Variants in NR2C2 observed in about 807,000 individuals in gnomAD.
The protein encoded by NR2C2 is Nuclear hormone receptor TR4.
In NR2C2, 6 loss-of-function variants were observed where a neutral mutation model predicts 62.9. The observed-to-expected ratio is 0.10, with a 90% CI of 0.05 to 0.19. NR2C2 has a LOEUF of 0.19. Among genes scored for constraint, NR2C2 ranks in the 10% least tolerant of loss-of-function variants. NR2C2 has a pLI of 1.00. For synonymous variants in NR2C2, 272 were observed against 273.8 expected (o/e 0.99, Z 0.07); for missense variants, 479 against 762.7 (o/e 0.63, Z 4.38).
intron 1 of NR2C2, among the ~76,000 whole-genome samples, chr3:14,961,782 G>A (rs918830677): frequency 1.6e-4 from 24 of 152,262 alleles, no homozygotes; most frequent in African/African-American, 5.5e-4. Flanking sequence ...GTAGAAAGCC[G>A]AATTATCTGG....
intron 1 of NR2C2, among the ~76,000 whole-genome samples, chr3:14,980,931 AC>A (rs2040348355): frequency 2.0e-5 from 3 of 152,208 alleles, no homozygotes; most frequent in Non-Finnish European, 4.4e-5. Context: ...TGGCCAGTAT[AC>A]TTTGCATTCT....
intron 1 of NR2C2, among the ~76,000 whole-genome samples, chr3:14,957,074 C>G (rs1325692899): frequency 6.6e-6 from 1 of 152,224 alleles, no homozygotes; most frequent in Non-Finnish European, 1.5e-5. Context: ...TTCACTATAA[C>G]CTCATATGGT....
At chr3:15,040,159 C>CA (rs1351430286) in intron 13 of NR2C2, among the ~76,000 whole-genome samples, 14 of 135,040 alleles carry the variant, frequency 1.0e-4, no homozygotes, top group East Asian at 8.4e-4. Flanking sequence ...GACTCCTTCT[C>CA]AAAAAACAAA....
In NR2C2 at chr3:15,045,043, C is replaced by A. The variant is rs937769199; in HGVS notation, c.*2035C>A. 3 of 152,140 alleles carry A rather than the reference C, an allele frequency of 2.0e-5. No homozygotes were observed. Among genetic ancestry groups the A allele is most frequent in the Admixed American group, 2.0e-4 (3 of 15,280 alleles). The allele number at this position is 152,140 out of a possible 1,614,324, so 9.4% of individuals were successfully genotyped here. A position where few individuals can be genotyped will look rare whatever the true frequency, so the allele number is the denominator to read the frequency against. On this transcript the variant is annotated 3_prime_UTR_variant, in exon 14 of 14. Transcript: ENST00000425241. ...CTTAAAGTAATTTTTACTTTTCTAACCCTGATGTGTTTTCAGTTTCAAAAT... is the reference window on the plus strand; with the variant it reads ...CTTAAAGTAATTTTTACTTTTCTAAACCTGATGTGTTTTCAGTTTCAAAAT...
intron 1 of NR2C2, among the ~76,000 whole-genome samples, chr3:14,985,374 G>A (rs1327968998): frequency 1.3e-5 from 2 of 151,988 alleles, no homozygotes; most frequent in African/African-American, 4.8e-5. Flanking sequence ...TTTTTCTCCT[G>A]TGTTTTCACT....
At chr3:14,956,533 TG>T (rs1407116598) in intron 1 of NR2C2, among the ~76,000 whole-genome samples, 2 of 152,166 alleles carry the variant, frequency 1.3e-5, no homozygotes, top group African/African-American at 2.4e-5. Flanking sequence ...TGTGGGTGTT[TG>T]TTTTTTTATT....
At chr3:15,011,217 T>C (rs2041344085) in intron 2 of NR2C2, among the ~76,000 whole-genome samples, 1 of 152,162 alleles carries the variant, frequency 6.6e-6, no homozygotes, top group South Asian at 2.1e-4. Flanking sequence ...CACGCGCCTG[T>C]GGTCTCAGCT....
chr3:14,953,027 C>G (rs145233960), intron 1 of NR2C2, among the ~76,000 whole-genome samples: 155 of 152,318 alleles, frequency 1.0e-3, no homozygotes, highest in African/African-American at 3.6e-3. Context: ...ATGCAGACCC[C>G]TGGTACCTGG....
Position 15,028,714 on chromosome 3 carries a change from A to G in NR2C2, c.927A>G (p.Ile309Met). The G allele has an allele frequency of 6.2e-7, 1 of 1,613,966 alleles. No homozygotes were observed. The highest frequency in any genetic ancestry group is 8.5e-7 in the Non-Finnish European group (1 of 1,179,860). ...CAGAGGACCAGTCTGCAAGTGAGAT[A>G]ACTCGGTACGAGCCCATGAGGATGG... ...IQPEDQSASE[I>M]TRAFDTLAKA... is the part of the protein sequence containing the mutation. Residue 309 changes from isoleucine to methionine, a missense_variant, in exon 8 of 14, where the codon ATA becomes ATG. Ile to Met is a conservative substitution (Grantham distance 10). Coordinates refer to ENST00000425241, the MANE Select transcript of NR2C2 (RefSeq NM_001291694.2).
At chr3:15,037,229 G>T (rs1299284855) in intron 11 of NR2C2, among the ~76,000 whole-genome samples, 1 of 149,800 alleles carries the variant, frequency 6.7e-6, no homozygotes, top group Non-Finnish European at 1.5e-5. Context: ...GTGTGTGTGT[G>T]TGTGTGTGTG....
chr3:14,970,129 C>T (rs146078925), intron 1 of NR2C2, among the ~76,000 whole-genome samples: 8 of 152,204 alleles, frequency 5.3e-5, no homozygotes, highest in African/African-American at 1.7e-4. Context: ...TTCTGAACCA[C>T]TCTTACCCTT....
In NR2C2 at chr3:15,045,395, A is replaced by T. The variant is rs2042414037; in HGVS notation, c.*2387A>T. 1 of 152,708 alleles carries T rather than the reference A, an allele frequency of 6.5e-6. No individual in the cohort carries two copies. Among genetic ancestry groups the T allele is most frequent in the African/African-American group, 2.4e-5 (1 of 41,464 alleles). 9.5% of individuals were successfully genotyped at this position (152,708 alleles called of 1,614,324 possible). ...GATAAGGAAGTGTTGGGCTGTGGTG[A>T]AACAACCTTGCAGAAAACGTGATTT... is the stretch of plus-strand genomic sequence containing the variant. On this transcript the variant is annotated 3_prime_UTR_variant, in exon 14 of 14. Coordinates refer to ENST00000425241, the MANE Select transcript of NR2C2 (RefSeq NM_001291694.2).
chr3:14,961,780 C>A (rs2039693206), intron 1 of NR2C2, among the ~76,000 whole-genome samples: 1 of 152,106 alleles, frequency 6.6e-6, no homozygotes, highest in Non-Finnish European at 1.5e-5. Flanking sequence ...TAGTAGAAAG[C>A]CGAATTATCT....
intron 4 of NR2C2, 145 bp from the exon 5 acceptor site, chr3:15,020,608 T>C (rs2041644769): frequency 6.5e-6 from 5 of 764,218 alleles, no homozygotes; most frequent in Non-Finnish European, 1.1e-5. Flanking sequence ...GTATGCTTAA[T>C]GCTCAGGCCA....
At chr3:14,982,959 T>C (rs975443104) in intron 1 of NR2C2, among the ~76,000 whole-genome samples, 1 of 152,214 alleles carries the variant, frequency 6.6e-6, no homozygotes. Flanking sequence ...TTTTTAAAAA[T>C]TTTTTTAATT....
intron 1 of NR2C2, chr3:14,948,273 C>G (rs1430589196): frequency 1.3e-5 from 2 of 152,544 alleles, no homozygotes; most frequent in Admixed American, 1.3e-4. Flanking sequence ...CTCCTCCCGC[C>G]TGCAGTCCCT....
chr3:14,959,491 C>T (rs890376674), intron 1 of NR2C2: 2 of 152,110 alleles, frequency 1.3e-5, no homozygotes, highest in Admixed American at 6.5e-5. Context: ...TTCAATTTCT[C>T]TCTCACTCTT....
rs2042408421 is a variant in NR2C2 at position 15,045,206 on chromosome 3, A to C, written c.*2198A>C. 6.6e-6 allele frequency: 1 copy of C among 152,068 alleles called. No individual in the cohort carries two copies. Among genetic ancestry groups the C allele is most frequent in the South Asian group, 2.1e-4 (1 of 4,822 alleles). The allele number at this position is 152,068 out of a possible 1,614,324, so 9.4% of individuals were successfully genotyped here. ...TTGTTGCCTGCCTTCCGTCGTTTTGATCCTTGAGAGTGACCATGAGGGCCA... is the reference window on the plus strand; with the variant it reads ...TTGTTGCCTGCCTTCCGTCGTTTTGCTCCTTGAGAGTGACCATGAGGGCCA... On this transcript the variant is annotated 3_prime_UTR_variant, in exon 14 of 14. Coordinates refer to ENST00000425241, the MANE Select transcript of NR2C2 (RefSeq NM_001291694.2).
At chr3:14,949,029 G>A (rs533285875) in intron 1 of NR2C2, among the ~76,000 whole-genome samples, 1 of 152,278 alleles carries the variant, frequency 6.6e-6, no homozygotes, top group African/African-American at 2.4e-5. Context: ...AGAGGCAAGC[G>A]TTAAGGGTAT....
Sources: allele counts gnomAD v4.1 joint callset (sites outside exome capture counted in the v4.1 genomes callset), GRCh38; gene constraint gnomAD v4.1.1; transcripts MANE v1.5; gene names NCBI Gene and HGNC (gene_info 2026-07-23, HGNC 2026-07-21).